MACO1: variants seen among roughly 807,000 people sequenced by gnomAD.
The protein encoded by MACO1 is macoilin 1.
In MACO1, 14 loss-of-function variants were observed where a neutral mutation model predicts 78.7. The observed-to-expected ratio is 0.18, with a 90% CI of 0.12 to 0.28. The LOEUF (loss-of-function observed/expected upper bound fraction) is 0.28, where lower values mean the gene tolerates loss of function less well. Among genes scored for constraint, MACO1 ranks in the 10% least tolerant of loss-of-function variants. MACO1 has a pLI of 1.00. For missense variants in MACO1, 501 were observed against 799.0 expected, an observed-to-expected ratio of 0.63 and a Z score of 4.50; for synonymous variants, 288 against 291.6, an observed-to-expected ratio of 0.99 and a Z score of 0.12.
At chr1:25,494,736 A>T (rs1428989667) in intron 10 of MACO1, among the ~76,000 whole-genome samples, 10 of 152,152 alleles carry the variant, frequency 6.6e-5, no homozygotes, top group Admixed American at 6.5e-4. Flanking sequence ...GGAAGGACAA[A>T]GTTGTTGGAA....
At chr1:25,458,278 T>C (rs892688537) in intron 5 of MACO1, 113 bp from the exon 6 acceptor site, 13 of 1,421,822 alleles carry the variant, frequency 9.1e-6, no homozygotes, top group African/African-American at 1.4e-5. Context: ...GTGTGCAAAC[T>C]AATGTGAATT....
intron 6 of MACO1, among the ~76,000 whole-genome samples, chr1:25,475,566 A>G (rs933559849): frequency 4.2e-5 from 6 of 143,746 alleles, no homozygotes; most frequent in African/African-American, 1.0e-4. Context: ...AAAAAAAAAA[A>G]AAAGGAAAAA....
chr1:25,495,254 CTG>C (rs1334974000), intron 10 of MACO1, among the ~76,000 whole-genome samples: 4 of 152,154 alleles, frequency 2.6e-5, no homozygotes, highest in African/African-American at 9.7e-5. Flanking sequence ...CCAGCTCAGA[CTG>C]TGTGCTCTGC....
At chr1:25,431,360 G>A (rs1258610843) in intron 1 of MACO1, among the ~76,000 whole-genome samples, 182 bp downstream of exon 1, 3 of 147,106 alleles carry the variant, frequency 2.0e-5, no homozygotes, top group African/African-American at 4.9e-5. Context: ...TGCGCGGGGC[G>A]TGGCGAGGGT....
chr1:25,465,837 C>A (rs2043214732), intron 6 of MACO1, among the ~76,000 whole-genome samples: 1 of 152,166 alleles, frequency 6.6e-6, no homozygotes, highest in African/African-American at 2.4e-5. Context: ...TTTTTTAGCA[C>A]CCACTTATGA....
Position 25,440,985 on chromosome 1 carries a change from A to G in MACO1, c.81-5777A>G, listed in dbSNP as rs531116613. ...TAAATTAGTTTCTTCATAGTGAAGAACATTCAGAACAGATGGGAGCAGGTT... is the reference window on the plus strand; with the variant it reads ...TAAATTAGTTTCTTCATAGTGAAGAGCATTCAGAACAGATGGGAGCAGGTT... On this transcript the variant is annotated intron_variant, in intron 1 of 10. Coordinates refer to ENST00000374343, the MANE Select transcript of MACO1 (RefSeq NM_018202.6). 9.2e-5 allele frequency among the ~76,000 whole-genome samples: 14 copies of G among 152,312 alleles called. No homozygotes were observed. In the East Asian group the frequency reaches 2.7e-3, roughly 29 times the overall value.
intron 2 of MACO1, 28 bp downstream of exon 2, chr1:25,446,931 G>A (rs1169292687): frequency 6.2e-7 from 1 of 1,603,250 alleles, no homozygotes; most frequent in African/African-American, 1.3e-5. Context: ...TGTTTTCCAT[G>A]TGTGGGGACC....
At chr1:25,454,688 G>A (rs532032946) in intron 4 of MACO1, among the ~76,000 whole-genome samples, 1 of 151,330 alleles carries the variant, frequency 6.6e-6, no homozygotes, top group South Asian at 2.1e-4. Context: ...CATCATATTG[G>A]CCAGACTGGT....
chr1:25,445,115 G>A (rs2043003969), intron 1 of MACO1, among the ~76,000 whole-genome samples: 1 of 140,938 alleles, frequency 7.1e-6, no homozygotes, highest in Non-Finnish European at 1.5e-5. Context: ...GTAACATGGT[G>A]AGACTCCCAT....
intron 10 of MACO1, among the ~76,000 whole-genome samples, chr1:25,496,643 A>G (rs546456888): frequency 6.6e-6 from 1 of 152,254 alleles, no homozygotes; most frequent in Admixed American, 6.5e-5. Flanking sequence ...TTTGAGCAAG[A>G]TACACAACTT....
intron 2 of MACO1, among the ~76,000 whole-genome samples, chr1:25,447,952 C>T (rs556083396): frequency 6.6e-6 from 1 of 152,134 alleles, no homozygotes; most frequent in African/African-American, 2.4e-5. Context: ...AAGATAGTTT[C>T]GGCTTATGTT....
intron 2 of MACO1, 73 bp downstream of exon 2, chr1:25,446,976 C>G (rs1206843569): frequency 6.6e-7 from 1 of 1,508,124 alleles, no homozygotes; most frequent in East Asian, 2.3e-5. Context: ...ATTAGCAATA[C>G]TCAGGTAACT....
At chr1:25,440,906 C>T (rs2042966501) in intron 1 of MACO1, among the ~76,000 whole-genome samples, 1 of 152,168 alleles carries the variant, frequency 6.6e-6, no homozygotes, top group Non-Finnish European at 1.5e-5. Context: ...TCGTCAGAGC[C>T]AGTGGCAGGT....
intron 2 of MACO1, 28 bp downstream of exon 2, chr1:25,446,931 G>C (rs1169292687): frequency 6.2e-7 from 1 of 1,603,250 alleles, no homozygotes; most frequent in African/African-American, 1.3e-5. Context: ...TGTTTTCCAT[G>C]TGTGGGGACC....
chr1:25,452,786 T>C (rs1366386945), intron 3 of MACO1, among the ~76,000 whole-genome samples: 1 of 149,518 alleles, frequency 6.7e-6, no homozygotes, highest in Non-Finnish European at 1.5e-5. Flanking sequence ...AACCTCCGCC[T>C]CCTGGGTTCA....
At chr1:25,459,969 TAA>T (rs887295735) in intron 6 of MACO1, among the ~76,000 whole-genome samples, 12 of 152,198 alleles carry the variant, frequency 7.9e-5, no homozygotes, top group African/African-American at 2.9e-4. Flanking sequence ...CCCCTTCCAG[TAA>T]GTTATATTCT....
chr1:25,462,171 A>G (rs2043177633), intron 6 of MACO1, among the ~76,000 whole-genome samples: 1 of 152,240 alleles, frequency 6.6e-6, no homozygotes, highest in African/African-American at 2.4e-5. Context: ...TGATGCAAAC[A>G]TACAGGGCTG....
chr1:25,432,591 T>C (rs1051002237), intron 1 of MACO1, among the ~76,000 whole-genome samples: 5 of 152,220 alleles, frequency 3.3e-5, no homozygotes, highest in Non-Finnish European at 7.3e-5. Flanking sequence ...TTTCTACACA[T>C]AGATGGAGGA....
rs1294748810 is a variant in MACO1 at position 25,480,816 on chromosome 1, G to A, written c.1155-3300G>A. Among the ~76,000 whole-genome samples, 8 of 149,888 alleles carry A rather than the reference G, an allele frequency of 5.3e-5. No homozygotes were observed. In the South Asian group the frequency reaches 1.1e-3, roughly 20 times the overall value. On this transcript the variant is annotated intron_variant, in intron 6 of 10. Transcript: ENST00000374343. ...CGTGGTGGTGGGCACCTGTAATCCC[G>A]GCTACTCGGGAGGCTGAGGCAGGAG... is the stretch of plus-strand genomic sequence containing the variant.
Sources: allele counts gnomAD v4.1 joint callset (sites outside exome capture counted in the v4.1 genomes callset), GRCh38; gene constraint gnomAD v4.1.1; transcripts MANE v1.5; gene names NCBI Gene and HGNC (gene_info 2026-07-23, HGNC 2026-07-21).